RBFOX1: variants seen among roughly 807,000 people sequenced by gnomAD.
The protein encoded by RBFOX1 is RNA binding fox-1 homolog 1.
Under a neutral mutation model 57.7 loss-of-function variants are expected in RBFOX1, and 8 were observed. That is an observed-to-expected ratio of 0.14 (90% CI 0.08 to 0.25). The LOEUF (loss-of-function observed/expected upper bound fraction) is 0.25. Ranked by LOEUF, RBFOX1 falls within the 10% of genes least tolerant of loss-of-function variation. RBFOX1 has a pLI of 1.00. For missense variants in RBFOX1, 611 were observed against 548.5 expected (o/e 1.11, Z -1.14); for synonymous variants, 326 against 222.4 (o/e 1.47, Z -4.15).
At chr16:7,066,879 A>T (rs1238268970) in intron 4 of RBFOX1, among the ~76,000 whole-genome samples, 2 of 152,168 alleles carry the variant, frequency 1.3e-5, no homozygotes, top group Non-Finnish European at 1.5e-5. Flanking sequence ...CTAGCCATTT[A>T]CTTATTTTGA....
chr16:6,265,602 T>C (rs1164045786), intron 1 of RBFOX1, among the ~76,000 whole-genome samples: 2 of 152,148 alleles, frequency 1.3e-5, no homozygotes, highest in African/African-American at 4.8e-5. Flanking sequence ...TATTAAACAT[T>C]TAAAGACCTG....
chr16:6,602,113 G>T (rs188655137), intron 2 of RBFOX1, among the ~76,000 whole-genome samples: 1 of 152,058 alleles, frequency 6.6e-6, no homozygotes, highest in Non-Finnish European at 1.5e-5. Context: ...CCATTTGTCT[G>T]TCTTCTTTGG....
At position 5,421,189 on chromosome 16, in the gene RBFOX1, G is replaced by A. The variant is rs559376522; in HGVS notation, c.220-46027G>A. Among the ~76,000 whole-genome samples, 14 of 151,880 alleles carry A rather than the reference G, an allele frequency of 9.2e-5. 1 individual carries two copies. Among genetic ancestry groups the A allele is most frequent in the African/African-American group, 3.4e-4 (14 of 41,408 alleles). Reference sequence around the variant, plus strand: ...ACCTGGCTAATTTTTGTAGTTTTTGGTAGAGATGAGGTTTCACCATGTTGA... The same window carrying A: ...ACCTGGCTAATTTTTGTAGTTTTTGATAGAGATGAGGTTTCACCATGTTGA... On this transcript the variant is annotated intron_variant, in intron 1 of 2. Transcript: ENST00000585867.
At chr16:5,671,622 G>C (rs1319404981) in intron 3 of RBFOX1, among the ~76,000 whole-genome samples, 1 of 152,202 alleles carries the variant, frequency 6.6e-6, no homozygotes, top group African/African-American at 2.4e-5. Flanking sequence ...GAGACAAGCT[G>C]TTCTTCGTTT....
At chr16:6,410,510 A>C (rs1413351095) in intron 2 of RBFOX1, among the ~76,000 whole-genome samples, 1 of 151,620 alleles carries the variant, frequency 6.6e-6, no homozygotes, top group Non-Finnish European at 1.5e-5. Context: ...ACGGGGTTTC[A>C]CCGTGTTAGC....
intron 1 of RBFOX1, among the ~76,000 whole-genome samples, chr16:5,444,440 A>C (rs1421337139): frequency 6.6e-6 from 1 of 152,212 alleles, no homozygotes; most frequent in African/African-American, 2.4e-5. Flanking sequence ...CAAACAGAGC[A>C]TGAAGAAAAT....
intron 1 of RBFOX1, among the ~76,000 whole-genome samples, chr16:6,022,047 C>G (rs2095090589): frequency 1.3e-5 from 2 of 152,192 alleles, no homozygotes; most frequent in African/African-American, 4.8e-5. Context: ...GCCTCAAGCT[C>G]TCCCATTCTG....
At position 5,408,687 on chromosome 16, in the gene RBFOX1, G is replaced by T. The variant is rs150455964; in HGVS notation, c.220-58529G>T. On this transcript the variant is annotated intron_variant, in intron 1 of 2. Transcript: ENST00000585867. ...ATTGGCTCATGGTTCTGCAGGCTGC[G>T]TAGGCATGGTGCCAGCATCTGCTCA... Among the ~76,000 whole-genome samples, 250 of 152,326 alleles carry T rather than the reference G, an allele frequency of 1.6e-3. 2 individuals are homozygous for T. The highest frequency in any genetic ancestry group is 0.016 in the East Asian group (85 of 5,184).
chr16:7,486,250 G>T (rs2151382640), intron 4 of RBFOX1, among the ~76,000 whole-genome samples: 1 of 150,766 alleles, frequency 6.6e-6, no homozygotes, highest in South Asian at 2.1e-4. Context: ...AGCCTCCTGA[G>T]TAGCTGGCAT....
At chr16:6,931,326 TATCTATCTATCTCTACAC>T (rs2076491741) in intron 3 of RBFOX1, among the ~76,000 whole-genome samples, 1 of 124,230 alleles carries the variant, frequency 8.0e-6, no homozygotes, top group South Asian at 2.5e-4. Flanking sequence ...TCTATCTATC[TATCTATCTATCTCTACAC>T]ACACACACAC....
At chr16:7,688,256 TGTGTGAGA>T (rs1338811172) in intron 14 of RBFOX1, among the ~76,000 whole-genome samples, 17 of 123,344 alleles carry the variant, frequency 1.4e-4, no homozygotes, top group Non-Finnish European at 1.9e-4. Context: ...TGTGTGTGTG[TGTGTGAGA>T]GAGAGAGAGA....
chr16:6,583,600 A>T (rs1054943879), intron 2 of RBFOX1, among the ~76,000 whole-genome samples: 2 of 152,228 alleles, frequency 1.3e-5, no homozygotes, highest in Non-Finnish European at 2.9e-5. Flanking sequence ...ACTGGATTCT[A>T]TCCATTCTCT....
At chr16:7,567,491 ATGTATAT>A in intron 5 of RBFOX1, among the ~76,000 whole-genome samples, 1 of 24,958 alleles carries the variant, frequency 4.0e-5, no homozygotes, top group East Asian at 6.8e-4. Context: ...ATGGCCCTAT[ATGTATAT>A]CCCTATGTAT....
intron 1 of RBFOX1, among the ~76,000 whole-genome samples, chr16:5,418,515 C>G (rs1596971773): frequency 1.3e-5 from 2 of 152,216 alleles, no homozygotes; most frequent in South Asian, 4.2e-4. Flanking sequence ...GGAGATATTT[C>G]TTTCGGTGTA....
At chr16:6,270,434 A>C (rs928580485) in intron 1 of RBFOX1, among the ~76,000 whole-genome samples, 1 of 148,610 alleles carries the variant, frequency 6.7e-6, no homozygotes, top group African/African-American at 2.5e-5. Context: ...GAGTAGCTAT[A>C]TTATCAGATA....
chr16:5,768,702 C>T (rs2053873590), intron 3 of RBFOX1, among the ~76,000 whole-genome samples: 1 of 152,070 alleles, frequency 6.6e-6, no homozygotes, highest in Non-Finnish European at 1.5e-5. Flanking sequence ...GATTCTGAGC[C>T]CAGCCCACGT....
At chr16:6,972,378 A>C (rs1394638309) in intron 3 of RBFOX1, among the ~76,000 whole-genome samples, 1 of 152,050 alleles carries the variant, frequency 6.6e-6, no homozygotes, top group African/African-American at 2.4e-5. Context: ...TATATCACTT[A>C]GCATAATGTC....
rs2097141576 is a variant in RBFOX1 at position 6,558,913 on chromosome 16, C to T, written c.-63-95690C>T. ...TGCTCCCTCTGTCTGGAATGTGCCC[C>T]TCCTGCCTCACCACAACCTTTGCAG... On this transcript the variant is annotated intron_variant, in intron 2 of 15. Coordinates refer to ENST00000550418, the MANE Select transcript of RBFOX1 (RefSeq NM_018723.4). 2.0e-5 allele frequency among the ~76,000 whole-genome samples: 3 copies of T among 152,190 alleles called. No homozygotes were observed. In the South Asian group the frequency reaches 6.2e-4, roughly 32 times the overall value.
Position 7,426,567 on chromosome 16 carries a change from A to T in RBFOX1, c.28-91580A>T, listed in dbSNP as rs189840733. Among the ~76,000 whole-genome samples, 16 of 152,296 alleles carry T rather than the reference A, an allele frequency of 1.1e-4. No homozygotes were observed. The East Asian group carries it at 2.3e-3, about 22-fold the overall frequency. ...GAGGGAGAAAGCATGTTGTTCTTCA[A>T]ACCAAATAGATGCGCCAAGGGAGAG... On this transcript the variant is annotated intron_variant, in intron 4 of 15. Transcript: ENST00000550418.
Sources: gnomAD v4.1 joint callset for allele counts (sites outside exome capture counted in the v4.1 genomes callset) on GRCh38, gnomAD v4.1.1 for gene constraint, MANE v1.5 for transcripts, NCBI Gene and HGNC (gene_info 2026-07-23, HGNC 2026-07-21) for gene names.